The following COL11A1 variants were observed in gnomAD, a reference collection of about 807,000 sequenced individuals.
COL11A1 encodes the protein collagen type XI alpha 1 chain, also known as collagen alpha-1(XI) chain.
Under a neutral mutation model 265.2 loss-of-function variants are expected in COL11A1, and 74 were observed. The ratio of observed to expected loss-of-function variants is 0.28; its 90% CI spans 0.23 to 0.34. The LOEUF (loss-of-function observed/expected upper bound fraction) is 0.34. Ranked by LOEUF, COL11A1 falls within the 10% of genes least tolerant of loss-of-function variation. COL11A1 has a pLI of 1.00. For synonymous variants in COL11A1, 816 were observed against 727.6 expected (o/e 1.12, Z -1.96); for missense variants, 2,165 against 2,263.6 (o/e 0.96, Z 0.88).
At chr1:103,053,698 T>A (rs747704869) in intron 4 of COL11A1, among the ~76,000 whole-genome samples, 4 of 152,172 alleles carry the variant, frequency 2.6e-5, no homozygotes, top group Non-Finnish European at 5.9e-5. Flanking sequence ...ATACAAGTGG[T>A]CAGTAGTGGA....
intron 24 of COL11A1, chr1:103,001,356 G>C (rs937140306): frequency 2.5e-6 from 1 of 396,264 alleles, no homozygotes; most frequent in Non-Finnish European, 4.4e-6. Flanking sequence ...GTTGGAAAGA[G>C]CCAGATAGAA....
rs373302416 is a variant in COL11A1, at chr1:102,984,561, C to A, written c.2503-370G>T. 2.6e-5 allele frequency among the ~76,000 whole-genome samples: 4 copies of A among 152,108 alleles called. No individual in the cohort carries two copies. In the East Asian group the frequency reaches 5.8e-4, roughly 22 times the overall value. On this transcript the variant is annotated intron_variant, in intron 30 of 66. Transcript: ENST00000370096. ...ATACTATTTTAAATTAGTGATGTAA[C>A]TGGCACAATATTTAGATTTTATCCC...
Position 102,886,741 on chromosome 1 carries a change from G to A in COL11A1, c.4858+66C>T, listed in dbSNP as rs1161069021. ...TTAAACATTTAACTAGAATGAATGA[G>A]CTGCCAATGCACCTCAGAAACTCAG... On this transcript the variant is annotated intron_variant, in intron 63 of 66. Transcript: ENST00000370096. The A allele has an allele frequency of 5.0e-6, 8 of 1,593,266 alleles. No individual in the cohort carries two copies. The Admixed American group carries it at 6.7e-5, about 13-fold the overall frequency.
intron 5 of COL11A1, among the ~76,000 whole-genome samples, chr1:103,028,795 G>A (rs781242043): frequency 3.9e-5 from 6 of 152,018 alleles, no homozygotes; most frequent in African/African-American, 1.4e-4. Context: ...TAATTGTTTT[G>A]TAAATTCCTT....
chr1:103,001,437 GT>G, intron 24 of COL11A1: 2 of 407,282 alleles, frequency 4.9e-6, no homozygotes, highest in Admixed American at 4.1e-5. Context: ...AAAAAGACAT[GT>G]GTTTAATTAT....
At chr1:102,964,101 C>T (rs1055989847) in intron 38 of COL11A1, among the ~76,000 whole-genome samples, 2 of 151,556 alleles carry the variant, frequency 1.3e-5, no homozygotes, top group South Asian at 2.1e-4. Context: ...AAGAGGGGAA[C>T]GAAAAAAGAA....
At chr1:102,943,452 TACACACACAC>T (rs199996712) in intron 42 of COL11A1, among the ~76,000 whole-genome samples, 103 of 79,440 alleles carry the variant, frequency 1.3e-3, no homozygotes, top group African/African-American at 3.8e-3. Context: ...CACACACACA[TACACACACAC>T]ACACACACAC....
chr1:102,990,224 A>G (rs1024159564), intron 28 of COL11A1, among the ~76,000 whole-genome samples: 1 of 152,068 alleles, frequency 6.6e-6, no homozygotes, highest in African/African-American at 2.4e-5. Context: ...AAAAGGAAAC[A>G]CTTAATTATC....
intron 28 of COL11A1, among the ~76,000 whole-genome samples, chr1:102,991,408 G>A (rs1557913496): frequency 6.6e-6 from 1 of 150,606 alleles, no homozygotes; most frequent in African/African-American, 2.4e-5. Flanking sequence ...GTATCAAATT[G>A]CTAATAATCA....
At chr1:102,913,566 C>A in intron 53 of COL11A1, 71 bp downstream of exon 53, 1 of 1,398,598 alleles carries the variant, frequency 7.2e-7, no homozygotes, top group Admixed American at 1.7e-5. Context: ...AGGCTGATTA[C>A]TTCTAATTAT....
rs114003434 is a variant in COL11A1 at position 102,958,217 on chromosome 1, C to T, written c.3168+3649G>A. Among the ~76,000 whole-genome samples, 1,043 of 152,036 alleles carry T rather than the reference C, an allele frequency of 6.9e-3. 13 individuals are homozygous for T. Among genetic ancestry groups the T allele is most frequent in the African/African-American group, 0.024 (989 of 41,508 alleles). On this transcript the variant is annotated intron_variant, in intron 41 of 66. Transcript: ENST00000370096. Reference sequence around the variant, plus strand: ...GACTCAGAATTTTATCATTTCTCACCAACTGATCAAATACTTCCCCTTTAA... The same window carrying T: ...GACTCAGAATTTTATCATTTCTCACTAACTGATCAAATACTTCCCCTTTAA...
chr1:103,059,141 T>C (rs537734585), intron 4 of COL11A1, among the ~76,000 whole-genome samples: 1 of 152,218 alleles, frequency 6.6e-6, no homozygotes, highest in Admixed American at 6.5e-5. Context: ...GATATAACAA[T>C]GTATGTTGTG....
chr1:103,038,076 G>C (rs950602209), intron 4 of COL11A1, among the ~76,000 whole-genome samples: 1 of 152,138 alleles, frequency 6.6e-6, no homozygotes, highest in African/African-American at 2.4e-5. Flanking sequence ...AAGCAAATAG[G>C]AGTTAGCCTA....
intron 46 of COL11A1, among the ~76,000 whole-genome samples, chr1:102,931,618 G>T (rs1477278122): frequency 7.2e-5 from 11 of 151,962 alleles, no homozygotes; most frequent in Non-Finnish European, 1.5e-4. Context: ...TCCACTTGGT[G>T]CAGAGCTGAG....
At chr1:103,103,287 C>G (rs2102427435) in intron 1 of COL11A1, among the ~76,000 whole-genome samples, 1 of 151,934 alleles carries the variant, frequency 6.6e-6, no homozygotes, top group African/African-American at 2.4e-5. Context: ...TTGAAATTAA[C>G]CTGAAAATAT....
chr1:102,937,228 A>C (rs1658241090), intron 44 of COL11A1, among the ~76,000 whole-genome samples: 1 of 152,208 alleles, frequency 6.6e-6, no homozygotes, highest in Non-Finnish European at 1.5e-5. Context: ...CTTTCCGAGT[A>C]TGCAAGGGTC....
chr1:102,981,811 T>G (rs1379445393), intron 31 of COL11A1, among the ~76,000 whole-genome samples: 2 of 152,016 alleles, frequency 1.3e-5, no homozygotes, highest in African/African-American at 4.8e-5. Flanking sequence ...AAATAGATTT[T>G]ATTTTAGAAA....
chr1:103,064,929 T>G (rs1670981058), intron 4 of COL11A1, among the ~76,000 whole-genome samples: 2 of 152,052 alleles, frequency 1.3e-5, no homozygotes, highest in Admixed American at 1.3e-4. Context: ...AGAAAGATTT[T>G]TAGTGCAGTA....
intron 4 of COL11A1, among the ~76,000 whole-genome samples, chr1:103,073,999 G>T (rs1245871669): frequency 6.6e-6 from 1 of 151,984 alleles, no homozygotes; most frequent in Non-Finnish European, 1.5e-5. Context: ...AATGGTGTCA[G>T]AATTCAGGTC....
Sources: gnomAD v4.1 joint callset for allele counts (sites outside exome capture counted in the v4.1 genomes callset) on GRCh38, gnomAD v4.1.1 for gene constraint, MANE v1.5 for transcripts, NCBI Gene and HGNC (gene_info 2026-07-23, HGNC 2026-07-21) for gene names.